The following RUNX2 variants were observed in gnomAD, a reference collection of about 807,000 sequenced individuals.
The protein encoded by RUNX2 is runt-related transcription factor 2.
In RUNX2, 10 loss-of-function variants were observed where a neutral mutation model predicts 51.7. The observed-to-expected ratio is 0.19, with a 90% CI of 0.12 to 0.33. The LOEUF is 0.33. RUNX2 is among the 10% of genes least tolerant of loss of function. The pLI, the probability that RUNX2 is intolerant of heterozygous loss-of-function variation, is 1.00. For synonymous variants in RUNX2, 276 were observed against 273.6 expected (o/e 1.01, Z -0.09); for missense variants, 562 against 691.3 (o/e 0.81, Z 2.10).
intron 7 of RUNX2, among the ~76,000 whole-genome samples, chr6:45,523,716 C>T (rs1582204565): frequency 6.6e-6 from 1 of 151,922 alleles, no homozygotes. Flanking sequence ...GGATGGATCA[C>T]GAGGTCAGGA....
chr6:45,531,025 A>G (rs189870361), intron 7 of RUNX2, among the ~76,000 whole-genome samples: 1 of 152,338 alleles, frequency 6.6e-6, no homozygotes, highest in East Asian at 1.9e-4. Context: ...TATCAATACT[A>G]CTATACTCAG....
rs1798968664 is a variant in RUNX2, at chr6:45,445,533, G to A, written c.685+7482G>A. ...CCATGCCCCAGATGCTGCAGGCCTG[G>A]GTTTTAGTCCTTAGCACAAAGCATT... On this transcript the variant is annotated intron_variant, in intron 5 of 8. Coordinates refer to ENST00000647337, the MANE Select transcript of RUNX2 (RefSeq NM_001024630.4). 2.0e-5 allele frequency among the ~76,000 whole-genome samples: 3 copies of A among 152,116 alleles called. No homozygotes were observed. The South Asian group carries it at 6.2e-4, about 31-fold the overall frequency.
chr6:45,406,982 A>T (rs1372017753), intron 2 of RUNX2, among the ~76,000 whole-genome samples: 1 of 152,224 alleles, frequency 6.6e-6, no homozygotes, highest in Non-Finnish European at 1.5e-5. Flanking sequence ...AATACAATGA[A>T]TACTTGTGTA....
intron 6 of RUNX2, among the ~76,000 whole-genome samples, 182 bp from the exon 7 acceptor site, chr6:45,512,064 T>G (rs368577282): frequency 8.5e-5 from 13 of 152,102 alleles, no homozygotes; most frequent in African/African-American, 2.7e-4. Context: ...CTTTGTGCTA[T>G]TTAAGGCCTG....
At chr6:45,364,406 A>G (rs779387819) in intron 2 of RUNX2, among the ~76,000 whole-genome samples, 19 of 152,186 alleles carry the variant, frequency 1.2e-4, no homozygotes, top group Non-Finnish European at 2.4e-4. Context: ...AGACACTTAA[A>G]CCTTCAACAG....
intron 5 of RUNX2, among the ~76,000 whole-genome samples, chr6:45,442,576 G>A (rs866777563): frequency 2.6e-5 from 4 of 152,304 alleles, no homozygotes; most frequent in South Asian, 2.1e-4. Flanking sequence ...GGTATTATTT[G>A]TTGTGCAGAG....
At chr6:45,514,190 A>G (rs1447225371) in intron 7 of RUNX2, among the ~76,000 whole-genome samples, 1 of 152,236 alleles carries the variant, frequency 6.6e-6, no homozygotes, top group African/African-American at 2.4e-5. Context: ...CTACTGAGGT[A>G]TATTCCTGTG....
chr6:45,434,708 T>C (rs17209895), intron 4 of RUNX2, among the ~76,000 whole-genome samples: 27,279 of 152,114 alleles, frequency 0.18, 3,024 homozygotes, highest in Non-Finnish European at 0.26. Context: ...TCCTTAAATT[T>C]TTTTTTGGTA....
rs192325238 is a variant in RUNX2, at chr6:45,505,243, G to A, written c.860-7003G>A. 3.3e-5 allele frequency among the ~76,000 whole-genome samples: 5 copies of A among 152,220 alleles called. No individual in the cohort carries two copies. The East Asian group carries it at 7.7e-4, about 23-fold the overall frequency. Reference sequence around the variant, plus strand: ...GCTAATAGCAGCTGCCTTGTTTCCAGCATACCTTTGGGCTTTCAGAAAGCT... The same window carrying A: ...GCTAATAGCAGCTGCCTTGTTTCCAACATACCTTTGGGCTTTCAGAAAGCT... On this transcript the variant is annotated intron_variant, in intron 6 of 8. Coordinates refer to ENST00000647337, the MANE Select transcript of RUNX2 (RefSeq NM_001024630.4).
chr6:45,411,428 G>A (rs1195915126), intron 2 of RUNX2, among the ~76,000 whole-genome samples: 1 of 151,932 alleles, frequency 6.6e-6, no homozygotes, highest in African/African-American at 2.4e-5. Flanking sequence ...GTTTGACTTT[G>A]AACTGGAATA....
At chr6:45,449,438 G>A (rs150432210) in intron 5 of RUNX2, among the ~76,000 whole-genome samples, 189 of 152,294 alleles carry the variant, frequency 1.2e-3, no homozygotes, top group Non-Finnish European at 2.2e-3. Flanking sequence ...TTTACACATA[G>A]GTAAACTGAG....
At chr6:45,398,576 C>G (rs982668819) in intron 2 of RUNX2, among the ~76,000 whole-genome samples, 3 of 152,300 alleles carry the variant, frequency 2.0e-5, no homozygotes, top group Non-Finnish European at 4.4e-5. Context: ...ACAAGTATTT[C>G]TTGACCACAA....
At chr6:45,387,789 CA>C (rs1367375626) in intron 2 of RUNX2, among the ~76,000 whole-genome samples, 2 of 152,112 alleles carry the variant, frequency 1.3e-5, no homozygotes, top group Admixed American at 1.3e-4. Context: ...TCACAGAAAC[CA>C]GGAGAGCAGA....
intron 8 of RUNX2, 83 bp from the exon 9 acceptor site, chr6:45,546,744 C>CTTTTT: frequency 2.4e-6 from 3 of 1,236,250 alleles, no homozygotes; most frequent in African/African-American, 1.5e-5. Context: ...AAAGTTTTCT[C>CTTTTT]TTTTTTTTTC....
At chr6:45,516,121 G>T (rs1032945638) in intron 7 of RUNX2, among the ~76,000 whole-genome samples, 3 of 152,128 alleles carry the variant, frequency 2.0e-5, no homozygotes, top group African/African-American at 7.2e-5. Context: ...ATATTAGATA[G>T]TCTTGTAGTT....
At chr6:45,482,347 A>G (rs1217368926) in intron 5 of RUNX2, among the ~76,000 whole-genome samples, 1 of 152,218 alleles carries the variant, frequency 6.6e-6, no homozygotes, top group African/African-American at 2.4e-5. Context: ...AGTTTGACTG[A>G]TATTGGCGTA....
At chr6:45,392,752 T>C (rs966405678) in intron 2 of RUNX2, among the ~76,000 whole-genome samples, 1 of 151,974 alleles carries the variant, frequency 6.6e-6, no homozygotes, top group Non-Finnish European at 1.5e-5. Flanking sequence ...TCTCTGAGCT[T>C]CCTAGTCTAA....
At chr6:45,498,615 G>A (rs1389281928) in intron 6 of RUNX2, among the ~76,000 whole-genome samples, 1 of 152,162 alleles carries the variant, frequency 6.6e-6, no homozygotes, top group African/African-American at 2.4e-5. Flanking sequence ...GGTAAAAACT[G>A]CTTGCCAGAC....
intron 2 of RUNX2, among the ~76,000 whole-genome samples, chr6:45,339,827 T>C (rs1324310782): frequency 6.6e-6 from 1 of 152,222 alleles, no homozygotes; most frequent in Non-Finnish European, 1.5e-5. Flanking sequence ...CTATAATTTT[T>C]ATAGAGTATA....
Sources: allele counts gnomAD v4.1 joint callset (sites outside exome capture counted in the v4.1 genomes callset), GRCh38; gene constraint gnomAD v4.1.1; transcripts MANE v1.5; gene names NCBI Gene and HGNC (gene_info 2026-07-23, HGNC 2026-07-21).